Variants in GTSE1 observed in about 807,000 individuals in gnomAD.
GTSE1 encodes G2 and S-phase expressed 1.
A neutral mutation model predicts 60.5 loss-of-function variants in GTSE1; 52 were observed. The observed-to-expected ratio is 0.86, with a 90% confidence interval of 0.69 to 1.08. The LOEUF (loss-of-function observed/expected upper bound fraction) is 1.08. GTSE1 is among the 50% of genes least tolerant of loss of function. GTSE1 has a pLI of 0.00. For missense variants in GTSE1, 937 were observed against 961.8 expected, an observed-to-expected ratio of 0.97 and a Z score of 0.34; for synonymous variants, 368 against 386.5, an observed-to-expected ratio of 0.95 and a Z score of 0.56.
intron 2 of GTSE1, among the ~76,000 whole-genome samples, chr22:46,298,907 G>A (rs1031219809): frequency 2.0e-5 from 3 of 152,084 alleles, no homozygotes; most frequent in Non-Finnish European, 4.4e-5. Context: ...CGTCTCCTCC[G>A]TTGCCTCTCC....
chr22:46,311,996 G>C, intron 4 of GTSE1, 145 bp from the exon 5 acceptor site: 1 of 654,098 alleles, frequency 1.5e-6, no homozygotes, highest in Non-Finnish European at 2.7e-6. Flanking sequence ...TGCTTGCCCT[G>C]TTCCCTTCAA....
intron 7 of GTSE1, among the ~76,000 whole-genome samples, chr22:46,322,776 C>T (rs1027004978): frequency 2.6e-5 from 4 of 152,304 alleles, no homozygotes; most frequent in South Asian, 2.1e-4. Context: ...GGCTCTGTTG[C>T]GCGTGCCTGG....
chr22:46,329,323 C>A lies in GTSE1; in HGVS notation c.1927-35C>A. ...TCCCAAGATGGTTGCCAGAAAGATG[C>A]TGGACTCTGCTCTTAACCTTGGTTT... On this transcript the variant is annotated intron_variant, in intron 10 of 11. Coordinates refer to ENST00000454366, the MANE Select transcript of GTSE1 (RefSeq NM_016426.7). This position sits in a 1 kb window ranked among gnomAD's most constrained non-coding sequence, Gnocchi z 6.4. 6.7e-7 allele frequency: 1 copy of A among 1,501,066 alleles called. No individual in the cohort carries two copies. The highest frequency in any genetic ancestry group is 1.1e-5 in the South Asian group (1 of 88,834). The allele number at this position is 1,501,066 out of a possible 1,614,324, so 93.0% of individuals were successfully genotyped here. A position where few individuals can be genotyped will look rare whatever the true frequency, so the allele number is the denominator to read the frequency against.
At chr22:46,315,039 C>T (rs1038612453) in intron 6 of GTSE1, among the ~76,000 whole-genome samples, 8 of 151,352 alleles carry the variant, frequency 5.3e-5, no homozygotes, top group Admixed American at 1.3e-4. Flanking sequence ...CAGGCACATG[C>T]CACCACACCC....
At chr22:46,328,103 C>T (rs1439180238) in intron 9 of GTSE1, among the ~76,000 whole-genome samples, 4 of 152,176 alleles carry the variant, frequency 2.6e-5, no homozygotes, top group East Asian at 1.9e-4. Context: ...GCTGGGTTTC[C>T]GGAAGGAATT....
rs371952416 is a variant in GTSE1 at position 46,328,716 on chromosome 22, A to C, written c.1753A>C (p.Lys585Gln). 1.2e-6 allele frequency: 2 copies of C among 1,614,052 alleles called. No homozygotes were observed. Among genetic ancestry groups the C allele is most frequent in the Admixed American group, 3.3e-5 (2 of 60,030 alleles). The change falls in exon 10 of 12, where the codon AAG becomes CAG. Residue 585 changes from lysine to glutamine, a missense_variant. Coordinates refer to ENST00000454366, the MANE Select transcript of GTSE1 (RefSeq NM_016426.7). Reference protein sequence around the residue: ...RTEPTRESNRKTDSRLVDVSP... With the variant: ...RTEPTRESNRQTDSRLVDVSP... ...TGAACCAACAAGGGAGAGCAACAGA[A>C]AGACAGATTCCAGGCTGGTGGATGT...
At position 46,312,315 on chromosome 22, in the gene GTSE1, C is replaced by T; in HGVS notation, c.927+10C>T. 6.2e-7 allele frequency: 1 copy of T among 1,603,068 alleles called. No individual in the cohort carries two copies. Among genetic ancestry groups the T allele is most frequent in the Non-Finnish European group, 8.5e-7 (1 of 1,173,930 alleles). On this transcript the variant is annotated intron_variant, in intron 5 of 11. Transcript: ENST00000454366. ...CCCTGTTCCAAACAAGGTGAGTTGG[C>T]TGCTGGGGCCCAAACTTGTGGTTGC... is the stretch of plus-strand genomic sequence containing the variant.
Position 46,297,284 on chromosome 22 carries a change from TTCAGCTCTCTCTGCCTC to T in GTSE1, c.-21-94_-21-78del. 1 of 790,188 alleles carries T rather than the reference TTCAGCTCTCTCTGCCTC, an allele frequency of 1.3e-6. No homozygotes were observed. The highest frequency in any genetic ancestry group is 1.7e-5 in the African/African-American group (1 of 59,030). 48.9% of individuals were successfully genotyped at this position (790,188 alleles called of 1,614,324 possible). Reference sequence around the variant, plus strand: ...GCCTCTCCCAGACCTGGCCGCGGCCTTCAGCTCTCTCTGCCTCTGTGAGCCGAGGGCTGAAGGAAGCC... The same window carrying T: ...GCCTCTCCCAGACCTGGCCGCGGCCTTGTGAGCCGAGGGCTGAAGGAAGCC... On this transcript the variant is annotated intron_variant, in intron 1 of 11. Transcript: ENST00000454366. The surrounding 1 kb of genome is among the most constrained non-coding windows in gnomAD (Gnocchi z 4.9).
intron 2 of GTSE1, among the ~76,000 whole-genome samples, chr22:46,300,100 G>A (rs1342795433): frequency 6.7e-6 from 1 of 148,972 alleles, no homozygotes. Context: ...ACTGTGCTCA[G>A]CCTTTTTTTT....
Position 46,320,985 on chromosome 22 carries a change from G to A in GTSE1, c.1433-2205G>A, listed in dbSNP as rs1006593264. On this transcript the variant is annotated intron_variant, in intron 7 of 11. Coordinates refer to ENST00000454366, the MANE Select transcript of GTSE1 (RefSeq NM_016426.7). The surrounding 1 kb of genome is among the most constrained non-coding windows in gnomAD (Gnocchi z 7.1). Reference sequence around the variant, plus strand: ...TGAGGGAGAGGACAACCGAGAGGAAGGGGTCTCGGGAGAGAGGGAGCCAAC... The same window carrying A: ...TGAGGGAGAGGACAACCGAGAGGAAAGGGTCTCGGGAGAGAGGGAGCCAAC... Among the ~76,000 whole-genome samples the A allele has an allele frequency of 1.3e-5, 2 of 152,220 alleles. No homozygotes were observed. The highest frequency in any genetic ancestry group is 1.9e-4 in the East Asian group (1 of 5,172).
Position 46,314,959 on chromosome 22 carries a change from A to G in GTSE1, c.1051+946A>G, listed in dbSNP as rs539874499. ...AAGAGAGGTTTGTGTCCTTATCTTT[A>G]TAGACTGAGGTGATGACCTCCTGAG... is the stretch of plus-strand genomic sequence containing the variant. On this transcript the variant is annotated intron_variant, in intron 6 of 11. Coordinates refer to ENST00000454366, the MANE Select transcript of GTSE1 (RefSeq NM_016426.7). The surrounding 1 kb of genome is among the most constrained non-coding windows in gnomAD (Gnocchi z 7.1). 1.3e-5 allele frequency among the ~76,000 whole-genome samples: 2 copies of G among 152,006 alleles called. No individual in the cohort carries two copies. The highest frequency in any genetic ancestry group is 4.8e-5 in the African/African-American group (2 of 41,442).
chr22:46,328,708 G>A lies in GTSE1; in HGVS notation c.1745G>A (p.Ser582Asn). 3.7e-6 allele frequency: 6 copies of A among 1,613,670 alleles called. No homozygotes were observed. The highest frequency in any genetic ancestry group is 5.1e-6 in the Non-Finnish European group (6 of 1,179,536). The change falls in exon 10 of 12, where the codon AGC (serine) becomes AAC (asparagine). Residue 582 changes from serine to asparagine, a missense_variant. Coordinates refer to ENST00000454366, the MANE Select transcript of GTSE1 (RefSeq NM_016426.7). Reference protein sequence around the residue: ...SAMRTEPTRESNRKTDSRLVD... With the variant: ...SAMRTEPTRENNRKTDSRLVD... ...CACAGAACTGAACCAACAAGGGAGA[G>A]CAACAGAAAGACAGATTCCAGGCTG... is the stretch of plus-strand genomic sequence containing the variant.
In GTSE1 at chr22:46,313,797, G is replaced by A. The variant is rs539816431; in HGVS notation, c.928-93G>A. On this transcript the variant is annotated intron_variant, in intron 5 of 11. Coordinates refer to ENST00000454366, the MANE Select transcript of GTSE1 (RefSeq NM_016426.7). The surrounding 1 kb of genome is among the most constrained non-coding windows in gnomAD (Gnocchi z 4.4). ...GCTGGGATTACAGGCGTGAGCCACC[G>A]TGCCCAGCCAAAAACCCCTTACTTT... The A allele has an allele frequency of 1.8e-5, 26 of 1,433,722 alleles. No individual in the cohort carries two copies. Among genetic ancestry groups the A allele is most frequent in the African/African-American group, 1.1e-4 (8 of 71,212 alleles). 88.8% of individuals were successfully genotyped at this position (1,433,722 alleles called of 1,614,324 possible).
rs1601905306 is a variant in GTSE1, at chr22:46,309,636, G to T, written c.762+693G>T. ...GGTGCAGGCAAATGCAGAATGCTCAGCAAGGGCCCAGAAATTCCTTTACCC... is the reference window on the plus strand; with the variant it reads ...GGTGCAGGCAAATGCAGAATGCTCATCAAGGGCCCAGAAATTCCTTTACCC... On this transcript the variant is annotated intron_variant, in intron 4 of 11. Transcript: ENST00000454366. The surrounding 1 kb of genome is among the most constrained non-coding windows in gnomAD (Gnocchi z 6.2). Among the ~76,000 whole-genome samples the T allele has an allele frequency of 6.6e-6, 1 of 152,304 alleles. No individual in the cohort carries two copies. The highest frequency in any genetic ancestry group is 6.5e-5 in the Admixed American group (1 of 15,302).
At chr22:46,311,951 C>T (rs2077750798) in intron 4 of GTSE1, among the ~76,000 whole-genome samples, 190 bp from the exon 5 acceptor site, 2 of 152,170 alleles carry the variant, frequency 1.3e-5, no homozygotes, top group Non-Finnish European at 2.9e-5. Context: ...TCCATCATCA[C>T]TTATGTCCAT....
rs146608263 is a variant in GTSE1 at position 46,323,245 on chromosome 22, G to C, written c.1488G>C (p.Ser496=). ...PKLSRAQRPQ[S]CTSVGRVTVH... ...TTTCGCGGGCACAGCGGCCGCAGTC[G>C]TGCACGTCAGTTGGCAGGTGAGTGA... Residue 496 remains serine, a synonymous_variant, in exon 8 of 12, where the codon TCG becomes TCC. Coordinates refer to ENST00000454366, the MANE Select transcript of GTSE1 (RefSeq NM_016426.7). The C allele has an allele frequency of 3.7e-6, 6 of 1,613,470 alleles. No homozygotes were observed. In the South Asian group the frequency reaches 4.4e-5, roughly 12 times the overall value.
chr22:46,314,138 TG>T lies in GTSE1; in HGVS notation c.1051+126del. Reference sequence around the variant, plus strand: ...TGGCAGGACGTCCCGGAGGGCGTGCTGTGTGCGGTGGACCAGGCTGTGGACT... The same window carrying T: ...TGGCAGGACGTCCCGGAGGGCGTGCTTGTGCGGTGGACCAGGCTGTGGACT... On this transcript the variant is annotated intron_variant, in intron 6 of 11. Coordinates refer to ENST00000454366, the MANE Select transcript of GTSE1 (RefSeq NM_016426.7). The surrounding 1 kb of genome is among the most constrained non-coding windows in gnomAD (Gnocchi z 7.1). 8.5e-7 allele frequency: 1 copy of T among 1,177,000 alleles called. No homozygotes were observed. The highest frequency in any genetic ancestry group is 1.2e-6 in the Non-Finnish European group (1 of 820,792). 72.9% of individuals were successfully genotyped at this position (1,177,000 alleles called of 1,614,324 possible). A position where few individuals can be genotyped will look rare whatever the true frequency, so the allele number is the denominator to read the frequency against.
chr22:46,317,781 C>T lies in GTSE1; in HGVS notation c.1432+1369C>T, dbSNP rs965769696. ...GCCTCTGCTGCACACCCGTGTGTCC[C>T]GCAAGGCCCGCGAGACCCCTGCACT... On this transcript the variant is annotated intron_variant, in intron 7 of 11. Coordinates refer to ENST00000454366, the MANE Select transcript of GTSE1 (RefSeq NM_016426.7). This position sits in a 1 kb window ranked among gnomAD's most constrained non-coding sequence, Gnocchi z 5.6. Among the ~76,000 whole-genome samples the T allele has an allele frequency of 2.6e-4, 40 of 152,224 alleles. No homozygotes were observed. The highest frequency in any genetic ancestry group is 9.6e-4 in the African/African-American group (40 of 41,452).
chr22:46,306,324 G>A (rs2077714946), intron 2 of GTSE1, among the ~76,000 whole-genome samples: 1 of 151,224 alleles, frequency 6.6e-6, no homozygotes, highest in African/African-American at 2.4e-5. Context: ...TGGGACTACA[G>A]GCACCTGCCA....
Sources: gnomAD v4.1 joint callset for allele counts (sites outside exome capture counted in the v4.1 genomes callset) on GRCh38, gnomAD v4.1.1 for gene constraint, Gnocchi (gnomAD v3.1) non-coding constraint, MANE v1.5 for transcripts, NCBI Gene and HGNC (gene_info 2026-07-23, HGNC 2026-07-21) for gene names.